OLFM2: variants seen among roughly 807,000 people sequenced by gnomAD.
OLFM2 encodes the protein noelin-2.
A neutral mutation model predicts 43.9 loss-of-function variants in OLFM2; 20 were observed. The ratio of observed to expected loss-of-function variants is 0.46; its 90% CI spans 0.32 to 0.66. OLFM2 has a LOEUF of 0.66. OLFM2 is among the 30% of genes least tolerant of loss of function. The pLI is 0.04. For synonymous variants in OLFM2, 268 were observed against 278.6 expected, an observed-to-expected ratio of 0.96 and a Z score of 0.38; for missense variants, 416 against 643.6, an observed-to-expected ratio of 0.65 and a Z score of 3.83.
At chr19:9,912,137 T>C (rs908044284) in intron 1 of OLFM2, among the ~76,000 whole-genome samples, 8 of 151,676 alleles carry the variant, frequency 5.3e-5, no homozygotes, top group African/African-American at 9.7e-5. Context: ...CACACACATA[T>C]AGACACACCA....
chr19:9,930,676 C>G (rs2086476914), intron 1 of OLFM2, among the ~76,000 whole-genome samples: 1 of 147,820 alleles, frequency 6.8e-6, no homozygotes, highest in African/African-American at 2.6e-5. Flanking sequence ...GAAACCCTGT[C>G]TCTATTAAAA....
intron 1 of OLFM2, among the ~76,000 whole-genome samples, chr19:9,907,264 G>A (rs1157557236): frequency 2.0e-5 from 3 of 152,082 alleles, no homozygotes; most frequent in Non-Finnish European, 4.4e-5. Flanking sequence ...AGACCAGCCT[G>A]GCTAACATGC....
chr19:9,876,841 C>T (rs923408702), intron 1 of OLFM2, among the ~76,000 whole-genome samples: 4 of 152,096 alleles, frequency 2.6e-5, no homozygotes, highest in East Asian at 1.9e-4. Context: ...AATGTGTCCC[C>T]GCAAAATTCA....
At chr19:9,919,176 C>CTTTT (rs36124685) in intron 1 of OLFM2, among the ~76,000 whole-genome samples, 32,436 of 148,934 alleles carry the variant, frequency 0.22, 4,491 homozygotes, top group Middle Eastern at 0.34. Context: ...ATTTCTCTCT[C>CTTTT]TTTTTTTTGA....
At chr19:9,891,443 G>A (rs923766309) in intron 1 of OLFM2, among the ~76,000 whole-genome samples, 1 of 151,686 alleles carries the variant, frequency 6.6e-6, no homozygotes. Flanking sequence ...TGGCCAACAT[G>A]GTGAAATCCT....
chr19:9,858,532 G>A (rs1435603604), intron 2 of OLFM2, among the ~76,000 whole-genome samples: 1 of 152,172 alleles, frequency 6.6e-6, no homozygotes, highest in Admixed American at 6.5e-5. Flanking sequence ...ACCCTCAGAG[G>A]CAGAGGCTGC....
At position 9,858,619 on chromosome 19, in the gene OLFM2, G is replaced by T. The variant is rs150275311; in HGVS notation, c.214-758C>A. On this transcript the variant is annotated intron_variant, in intron 2 of 5. Coordinates refer to ENST00000264833, the MANE Select transcript of OLFM2 (RefSeq NM_058164.4). ...GAGGCCCAATAAGTATTTTTTGGCTGAATGAGTAAAATAAACTTCCCTTGC... is the reference window on the plus strand; with the variant it reads ...GAGGCCCAATAAGTATTTTTTGGCTTAATGAGTAAAATAAACTTCCCTTGC... 5.3e-5 allele frequency among the ~76,000 whole-genome samples: 8 copies of T among 152,266 alleles called. No individual in the cohort carries two copies. In the East Asian group the frequency reaches 1.5e-3, roughly 29 times the overall value.
At chr19:9,863,292 T>C (rs2046377650) in intron 1 of OLFM2, among the ~76,000 whole-genome samples, 1 of 151,998 alleles carries the variant, frequency 6.6e-6, no homozygotes, top group African/African-American at 2.4e-5. Context: ...GGCAAGGCCT[T>C]GTGGGAAGCA....
chr19:9,910,566 G>A (rs372095969), intron 1 of OLFM2, among the ~76,000 whole-genome samples: 1 of 152,138 alleles, frequency 6.6e-6, no homozygotes, highest in Non-Finnish European at 1.5e-5. Flanking sequence ...TAAAAAAATA[G>A]TTTTGTGGAA....
chr19:9,906,668 A>G (rs973917963), intron 1 of OLFM2, among the ~76,000 whole-genome samples: 4 of 152,082 alleles, frequency 2.6e-5, no homozygotes, highest in African/African-American at 9.7e-5. Flanking sequence ...GAAGAGAGAG[A>G]CGCAGGCAGA....
In OLFM2 at chr19:9,857,519, C is replaced by G; in HGVS notation, c.361-37G>C. 1 of 1,606,558 alleles carries G rather than the reference C, an allele frequency of 6.2e-7. No homozygotes were observed. The highest frequency in any genetic ancestry group is 1.7e-4 in the Middle Eastern group (1 of 6,054). On this transcript the variant is annotated intron_variant, in intron 3 of 5. Coordinates refer to ENST00000264833, the MANE Select transcript of OLFM2 (RefSeq NM_058164.4). The surrounding 1 kb of genome is among the most constrained non-coding windows in gnomAD (Gnocchi z 5.7). Reference sequence around the variant, plus strand: ...GATGGAACCATGGCCAAGCCTGACCCCTGGCCTTTGACCCAGACATGACTC... The same window carrying G: ...GATGGAACCATGGCCAAGCCTGACCGCTGGCCTTTGACCCAGACATGACTC...
chr19:9,857,975 G>A lies in OLFM2; in HGVS notation c.214-114C>T. 2.3e-6 allele frequency: 3 copies of A among 1,332,540 alleles called. No homozygotes were observed. Among genetic ancestry groups the A allele is most frequent in the Non-Finnish European group, 3.2e-6 (3 of 943,304 alleles). 82.5% of individuals were successfully genotyped at this position (1,332,540 alleles called of 1,614,324 possible). A position where few individuals can be genotyped will look rare whatever the true frequency, so the allele number is the denominator to read the frequency against. On this transcript the variant is annotated intron_variant, in intron 2 of 5. Coordinates refer to ENST00000264833, the MANE Select transcript of OLFM2 (RefSeq NM_058164.4). This position sits in a 1 kb window ranked among gnomAD's most constrained non-coding sequence, Gnocchi z 5.7. ...GCTGTACAAACACCACACCGACGAGGCCACCTTCTCCTCCCCTGAGCTTAC... is the reference window on the plus strand; with the variant it reads ...GCTGTACAAACACCACACCGACGAGACCACCTTCTCCTCCCCTGAGCTTAC...
chr19:9,920,193 C>T (rs941370344), intron 1 of OLFM2, among the ~76,000 whole-genome samples: 5 of 151,956 alleles, frequency 3.3e-5, no homozygotes, highest in Non-Finnish European at 5.9e-5. Context: ...GTGGGAGGAT[C>T]GCTTAAGCCC....
intron 1 of OLFM2, among the ~76,000 whole-genome samples, chr19:9,898,689 C>T (rs926506998): frequency 2.5e-4 from 38 of 152,170 alleles, no homozygotes; most frequent in African/African-American, 8.4e-4. Context: ...AGAAATTCTC[C>T]CTGGGCCTTA....
chr19:9,915,712 G>C (rs1286390492), intron 1 of OLFM2, among the ~76,000 whole-genome samples: 1 of 151,668 alleles, frequency 6.6e-6, no homozygotes, highest in South Asian at 2.1e-4. Context: ...TAGAGACGGG[G>C]TTTCACCGTG....
In OLFM2 at chr19:9,857,774, G is replaced by A. The variant is rs1052365813; in HGVS notation, c.301C>T (p.Arg101Trp). 5.0e-6 allele frequency: 8 copies of A among 1,613,980 alleles called. No individual in the cohort carries two copies. Among genetic ancestry groups the A allele is most frequent in the African/African-American group, 2.7e-5 (2 of 74,902 alleles). ...GCCCGGAGCCGCGCATCCAGGCTCC[G>A]CATGAGGGTCTCCATGCCGCGTACA... is the stretch of plus-strand genomic sequence containing the variant. ...QYVRGMETLM[R>W]SLDARLRAAD... Residue 101 changes from arginine (R) to tryptophan (W), a missense_variant, in exon 3 of 6, where the codon CGG becomes TGG. Transcript: ENST00000264833. The surrounding 1 kb of genome is among the most constrained non-coding windows in gnomAD (Gnocchi z 5.7).
At chr19:9,911,005 C>T (rs116772991) in intron 1 of OLFM2, among the ~76,000 whole-genome samples, 6,248 of 150,814 alleles carry the variant, frequency 0.041, 271 homozygotes, top group African/African-American at 0.11. Flanking sequence ...GAAGGATGGG[C>T]GTAAAAACAG....
rs1365018461 is a variant in OLFM2 at position 9,857,114 on chromosome 19, T to C, written c.580+149A>G. Reference sequence around the variant, plus strand: ...TCAGGGCCATTTCCAGCTTCTGGACTCAAGTGTAGCCTTAGGTAGGAAGGT... The same window carrying C: ...TCAGGGCCATTTCCAGCTTCTGGACCCAAGTGTAGCCTTAGGTAGGAAGGT... On this transcript the variant is annotated intron_variant, in intron 4 of 5. Transcript: ENST00000264833. This position sits in a 1 kb window ranked among gnomAD's most constrained non-coding sequence, Gnocchi z 5.7. The C allele has an allele frequency of 5.8e-6, 5 of 868,052 alleles. No individual in the cohort carries two copies. In the African/African-American group the frequency reaches 8.3e-5, roughly 14 times the overall value. 53.8% of individuals were successfully genotyped at this position (868,052 alleles called of 1,614,324 possible).
chr19:9,919,332 AATTTTTTATATTTT>A (rs2086405490), intron 1 of OLFM2, among the ~76,000 whole-genome samples: 4 of 151,586 alleles, frequency 2.6e-5, no homozygotes, highest in South Asian at 4.2e-4. Flanking sequence ...ACGCCCGGAG[AATTTTTTATATTTT>A]TAGTGGAGAT....
Sources: allele counts gnomAD v4.1 joint callset (sites outside exome capture counted in the v4.1 genomes callset), GRCh38; gene constraint gnomAD v4.1.1; non-coding constraint Gnocchi (gnomAD v3.1); transcripts MANE v1.5; gene names NCBI Gene and HGNC (gene_info 2026-07-23, HGNC 2026-07-21).